Variants in ATG7 observed in about 807,000 individuals in gnomAD.
ATG7 encodes autophagy related 7, also known as ubiquitin-like modifier-activating enzyme ATG7.
In ATG7, 70 loss-of-function variants were observed where a neutral mutation model predicts 82.4. The ratio of observed to expected loss-of-function variants is 0.85; its 90% CI spans 0.70 to 1.04. ATG7 has a LOEUF of 1.04. ATG7 is among the 50% of genes least tolerant of loss of function. The pLI is 0.00. For synonymous variants in ATG7, 287 were observed against 313.0 expected (o/e 0.92, Z 0.88); for missense variants, 792 against 864.3 (o/e 0.92, Z 1.05).
intron 18 of ATG7, among the ~76,000 whole-genome samples, chr3:11,372,955 A>G (rs1350378712): frequency 2.0e-5 from 3 of 151,400 alleles, no homozygotes; most frequent in African/African-American, 4.9e-5. Context: ...AAATGTTTAG[A>G]TAATTTTTTA....
At chr3:11,334,764 C>T (rs1471647816) in intron 11 of ATG7, among the ~76,000 whole-genome samples, 5 of 151,132 alleles carry the variant, frequency 3.3e-5, no homozygotes, top group Admixed American at 3.3e-4. Flanking sequence ...TCGAGATTGG[C>T]CTGGCCGATA....
chr3:11,346,085 G>C (rs1265402739), intron 13 of ATG7, among the ~76,000 whole-genome samples: 1 of 152,120 alleles, frequency 6.6e-6, no homozygotes, highest in Non-Finnish European at 1.5e-5. Context: ...GACAGGTTCT[G>C]GCTTTGTTGC....
At chr3:11,461,795 A>G (rs1445289347) in intron 20 of ATG7, among the ~76,000 whole-genome samples, 2 of 152,014 alleles carry the variant, frequency 1.3e-5, no homozygotes, top group East Asian at 3.9e-4. Context: ...GGGAGGCCGA[A>G]GCGGGCGGAT....
intron 14 of ATG7, among the ~76,000 whole-genome samples, chr3:11,356,624 A>T (rs1683747738): frequency 1.3e-5 from 2 of 152,238 alleles, no homozygotes; most frequent in African/African-American, 2.4e-5. Flanking sequence ...TTATACTTCC[A>T]TCTTGGTGTC....
At chr3:11,287,073 G>A (rs1944206803) in intron 3 of ATG7, among the ~76,000 whole-genome samples, 1 of 152,108 alleles carries the variant, frequency 6.6e-6, no homozygotes, top group African/African-American at 2.4e-5. Context: ...GCTGATAAAA[G>A]GTTTCTAAAA....
chr3:11,366,971 C>G (rs1393845425), intron 18 of ATG7, among the ~76,000 whole-genome samples: 1 of 139,694 alleles, frequency 7.2e-6, no homozygotes, highest in Non-Finnish European at 1.5e-5. Context: ...ATGGGAAAAG[C>G]TGTGTGTGTG....
At chr3:11,309,730 C>T (rs1007496642) in intron 7 of ATG7, among the ~76,000 whole-genome samples, 18 of 152,214 alleles carry the variant, frequency 1.2e-4, no homozygotes, top group Middle Eastern at 3.4e-3. Flanking sequence ...CGTGCACACA[C>T]ACAGCAACAC....
chr3:11,285,536 G>T (rs1345280537), intron 3 of ATG7, among the ~76,000 whole-genome samples: 1 of 152,060 alleles, frequency 6.6e-6, no homozygotes, highest in Non-Finnish European at 1.5e-5. Flanking sequence ...TGTTTAGCTT[G>T]TGGCTTTTTA....
At chr3:11,511,491 A>G (rs1270227570) in intron 20 of ATG7, among the ~76,000 whole-genome samples, 1 of 151,896 alleles carries the variant, frequency 6.6e-6, no homozygotes, top group Non-Finnish European at 1.5e-5. Flanking sequence ...AGATATAAAG[A>G]CTCTCCATGT....
chr3:11,421,888 C>T (rs1490827425), intron 19 of ATG7, among the ~76,000 whole-genome samples: 1 of 152,240 alleles, frequency 6.6e-6, no homozygotes, highest in East Asian at 1.9e-4. Context: ...TGTACATCTC[C>T]ATCAGACCTC....
At chr3:11,423,399 C>T (rs377119973) in intron 19 of ATG7, among the ~76,000 whole-genome samples, 5 of 152,152 alleles carry the variant, frequency 3.3e-5, no homozygotes, top group South Asian at 4.1e-4. Context: ...GACAGAGACA[C>T]GAAGTGAGCA....
At chr3:11,305,005 C>G (rs1006367843) in intron 5 of ATG7, among the ~76,000 whole-genome samples, 1 of 152,252 alleles carries the variant, frequency 6.6e-6, no homozygotes, top group East Asian at 1.9e-4. Flanking sequence ...CTCTCCATCC[C>G]CCCTCCTCCA....
intron 20 of ATG7, among the ~76,000 whole-genome samples, chr3:11,547,892 G>T (rs757435829): frequency 2.6e-5 from 4 of 152,166 alleles, no homozygotes; most frequent in Admixed American, 1.3e-4. Context: ...TCTTGCTGGA[G>T]TGTAAGTGGC....
chr3:11,329,067 C>T (rs570310404), intron 9 of ATG7, among the ~76,000 whole-genome samples: 19 of 152,284 alleles, frequency 1.2e-4, no homozygotes, highest in African/African-American at 4.1e-4. Flanking sequence ...TGCACTCCAG[C>T]CTGGGTAATA....
intron 20 of ATG7, among the ~76,000 whole-genome samples, chr3:11,486,747 A>C (rs942895419): frequency 1.3e-5 from 2 of 151,922 alleles, no homozygotes; most frequent in Non-Finnish European, 2.9e-5. Flanking sequence ...TTTAGTATGA[A>C]GGGTTGTTGA....
At chr3:11,425,253 C>G (rs773698574) in intron 19 of ATG7, among the ~76,000 whole-genome samples, 1 of 152,212 alleles carries the variant, frequency 6.6e-6, no homozygotes, top group African/African-American at 2.4e-5. Context: ...CATGAGCCAT[C>G]GTGCCTGGCC....
At chr3:11,277,891 A>ACCG (rs1553596304) in intron 1 of ATG7, among the ~76,000 whole-genome samples, 5 of 60,794 alleles carry the variant, frequency 8.2e-5, no homozygotes, top group East Asian at 1.4e-3. Context: ...CCCTTTATAG[A>ACCG]CCCCCCCCCC....
At chr3:11,383,421 TTATATAA>T (rs2078066560) in intron 19 of ATG7, among the ~76,000 whole-genome samples, 1 of 152,140 alleles carries the variant, frequency 6.6e-6, no homozygotes, top group Non-Finnish European at 1.5e-5. Context: ...ATGTCAGGAG[TTATATAA>T]TATATTATAT....
Position 11,404,402 on chromosome 3 carries a change from C to G in ATG7, c.1957-22402C>G, listed in dbSNP as rs534355686. Among the ~76,000 whole-genome samples the G allele has an allele frequency of 1.8e-3, 273 of 152,108 alleles. 1 individual carries two copies. Among genetic ancestry groups the G allele is most frequent in the African/African-American group, 5.7e-3 (237 of 41,482 alleles). ...CTGCCCTGGTTGGCCTCCCAAAGTG[C>G]TGGGATACGGGCATGAGCCACCATG... On this transcript the variant is annotated intron_variant, in intron 19 of 20. Coordinates refer to ENST00000693202, the MANE Select transcript of ATG7 (RefSeq NM_001349232.2).
Sources: gnomAD v4.1 joint callset for allele counts (sites outside exome capture counted in the v4.1 genomes callset) on GRCh38, gnomAD v4.1.1 for gene constraint, MANE v1.5 for transcripts, NCBI Gene and HGNC (gene_info 2026-07-23, HGNC 2026-07-21) for gene names.